CLYBL: variants seen among roughly 807,000 people sequenced by gnomAD.
CLYBL encodes the protein citramalyl-CoA lyase, mitochondrial.
Under a neutral mutation model 38.9 loss-of-function variants are expected in CLYBL, and 31 were observed. The ratio of observed to expected loss-of-function variants is 0.80; its 90% confidence interval spans 0.60 to 1.08. The LOEUF (loss-of-function observed/expected upper bound fraction) is 1.08. Among genes scored for constraint, CLYBL ranks in the 50% least tolerant of loss-of-function variants. The pLI, the probability that CLYBL is intolerant of heterozygous loss-of-function variation, is 0.00. For synonymous variants in CLYBL, 171 were observed against 158.6 expected (o/e 1.08, Z -0.59); for missense variants, 434 against 411.6 (o/e 1.05, Z -0.47).
chr13:99,726,146 T>A (rs908951614), intron 1 of CLYBL: 3 of 152,200 alleles, frequency 2.0e-5, no homozygotes, highest in Non-Finnish European at 2.9e-5. Flanking sequence ...ATCATAAGAA[T>A]TTTCTTAAAT....
chr13:99,650,696 A>G lies in CLYBL; in HGVS notation c.62+43939A>G, dbSNP rs1243380334. On this transcript the variant is annotated intron_variant, in intron 1 of 8. Coordinates refer to ENST00000339105, the MANE Select transcript of CLYBL (RefSeq NM_206808.5). The stretch of plus-strand genomic sequence containing the variant: ...AATCCTTGGAGTCATTCTTGCCTCC[A>G]CTAGACCCTTGGATTCTGTGCATCT... Among the ~76,000 whole-genome samples, 4 of 152,236 alleles carry G rather than the reference A, an allele frequency of 2.6e-5. No individual in the cohort carries two copies. The East Asian group carries it at 5.8e-4, about 22-fold the overall frequency.
chr13:99,703,519 G>GCA (rs2048101289), intron 1 of CLYBL, among the ~76,000 whole-genome samples: 1 of 152,040 alleles, frequency 6.6e-6, no homozygotes, highest in Non-Finnish European at 1.5e-5. Flanking sequence ...ATAGGCACAT[G>GCA]CCACCATGCC....
Position 99,858,986 on chromosome 13 carries a change from A to G in CLYBL, c.375A>G (p.Gln125=), listed in dbSNP as rs368729167. The change falls in exon 3 of 9, where the codon CAA becomes CAG. Residue 125 remains glutamine (Q), a synonymous_variant. Coordinates refer to ENST00000339105, the MANE Select transcript of CLYBL (RefSeq NM_206808.5). ...AAGAAGACCTAGAGACCCTTTTGCAATCCCGGGTCCTTCCTTCCAGCCTGA... is the reference window on the plus strand; with the variant it reads ...AAGAAGACCTAGAGACCCTTTTGCAGTCCCGGGTCCTTCCTTCCAGCCTGA... ...LAEEDLETLL[Q]SRVLPSSLML... is the part of the protein sequence containing the mutation. 2.5e-6 allele frequency: 4 copies of G among 1,613,914 alleles called. No homozygotes were observed. The African/African-American group carries it at 4.0e-5, about 16-fold the overall frequency.
chr13:99,807,672 A>G (rs1463520119), intron 2 of CLYBL, among the ~76,000 whole-genome samples: 1 of 151,924 alleles, frequency 6.6e-6, no homozygotes, highest in Non-Finnish European at 1.5e-5. Flanking sequence ...GGAAGGAGGA[A>G]CGGGGAGTGT....
chr13:99,618,688 C>T (rs1226381551), intron 1 of CLYBL, among the ~76,000 whole-genome samples: 2 of 152,150 alleles, frequency 1.3e-5, no homozygotes, highest in African/African-American at 4.8e-5. Context: ...AAACCCTGTG[C>T]CCATTAAACA....
intron 7 of CLYBL, among the ~76,000 whole-genome samples, chr13:99,890,176 C>G (rs2052452842): frequency 6.6e-6 from 1 of 152,188 alleles, no homozygotes; most frequent in East Asian, 1.9e-4. Flanking sequence ...GTGGGGATCT[C>G]TGATGAAGGC....
chr13:99,895,341 G>C (rs1290161939), downstream of CLYBL: 1 of 152,208 alleles, frequency 6.6e-6, no homozygotes, highest in African/African-American at 2.4e-5. Flanking sequence ...TCTAGTACTA[G>C]AAAAGCAATG....
intron 1 of CLYBL, among the ~76,000 whole-genome samples, chr13:99,736,309 G>T (rs182379441): frequency 3.2e-4 from 48 of 151,724 alleles, no homozygotes; most frequent in Admixed American, 3.2e-3. Context: ...AAAGTGTGGG[G>T]ATTACAGTAT....
chr13:99,839,107 G>A (rs563914771), intron 2 of CLYBL, among the ~76,000 whole-genome samples: 1 of 152,342 alleles, frequency 6.6e-6, no homozygotes, highest in South Asian at 2.1e-4. Context: ...TGAGTCAACA[G>A]TGTAGCCAGC....
At chr13:99,834,370 C>T (rs1003729078) in intron 2 of CLYBL, among the ~76,000 whole-genome samples, 3 of 152,194 alleles carry the variant, frequency 2.0e-5, no homozygotes. Flanking sequence ...TAATAGATTA[C>T]TCAGTCCTGA....
In CLYBL at chr13:99,769,453, T is replaced by C. The variant is rs1467985917; in HGVS notation, c.63-3371T>C. 2.0e-5 allele frequency among the ~76,000 whole-genome samples: 3 copies of C among 152,254 alleles called. No homozygotes were observed. In the East Asian group the frequency reaches 5.8e-4, roughly 29 times the overall value. ...TCACATGTGTGGTTACATTAAATCC[T>C]GATGAGCAGAGAATTTGCCCCAAAC... On this transcript the variant is annotated intron_variant, in intron 1 of 8. Coordinates refer to ENST00000339105, the MANE Select transcript of CLYBL (RefSeq NM_206808.5).
intron 2 of CLYBL, among the ~76,000 whole-genome samples, chr13:99,820,609 AT>A (rs1358049563): frequency 6.6e-6 from 1 of 152,134 alleles, no homozygotes; most frequent in East Asian, 1.9e-4. Flanking sequence ...TTAGGACAAG[AT>A]TAATATTGCA....
At chr13:99,672,585 G>T (rs1404310048) in intron 1 of CLYBL, among the ~76,000 whole-genome samples, 1 of 150,952 alleles carries the variant, frequency 6.6e-6, no homozygotes, top group Non-Finnish European at 1.5e-5. Flanking sequence ...ACCAGCCTGG[G>T]CAACATGGTG....
chr13:99,881,335 T>C (rs564003278), intron 7 of CLYBL, among the ~76,000 whole-genome samples: 10 of 152,298 alleles, frequency 6.6e-5, no homozygotes, highest in Admixed American at 2.0e-4. Context: ...ACCGATGAAA[T>C]TATCACTACA....
At chr13:99,717,436 G>GAAAAAAAAAA (rs1172721313) in intron 1 of CLYBL, among the ~76,000 whole-genome samples, 5 of 91,104 alleles carry the variant, frequency 5.5e-5, no homozygotes, top group Non-Finnish European at 8.4e-5. Context: ...AAAAAAATTA[G>GAAAAAAAAAA]AAAAAAAAAA....
chr13:99,864,941 CTGTGTGTGTGTG>C, intron 5 of CLYBL, 30 bp downstream of exon 5: 1 of 1,355,776 alleles, frequency 7.4e-7, no homozygotes, highest in African/African-American at 1.5e-5. Context: ...CTCTCTTTTT[CTGTGTGTGTGTG>C]TGTATATGTG....
chr13:99,862,874 G>A (rs1010791001), intron 3 of CLYBL, 117 bp from the exon 4 acceptor site: 3 of 448,332 alleles, frequency 6.7e-6, no homozygotes, highest in South Asian at 5.9e-5. Flanking sequence ...TTGTGTGGAC[G>A]AAAGAGGCTT....
chr13:99,627,118 T>C (rs534631093), intron 1 of CLYBL, among the ~76,000 whole-genome samples: 1 of 152,162 alleles, frequency 6.6e-6, no homozygotes, highest in South Asian at 2.1e-4. Context: ...CCGACACTTT[T>C]GAGAGGAAAA....
chr13:99,619,324 C>T (rs951205100), intron 1 of CLYBL, among the ~76,000 whole-genome samples: 1 of 152,202 alleles, frequency 6.6e-6, no homozygotes, highest in African/African-American at 2.4e-5. Flanking sequence ...ATATTGGAAG[C>T]AGAGAGCAGC....
Sources: allele counts gnomAD v4.1 joint callset (sites outside exome capture counted in the v4.1 genomes callset), GRCh38; gene constraint gnomAD v4.1.1; transcripts MANE v1.5; gene names NCBI Gene and HGNC (gene_info 2026-07-23, HGNC 2026-07-21).